Variants in CLDN10 observed in about 807,000 individuals in gnomAD.
The protein encoded by CLDN10 is claudin 10, also known as claudin-10.
Under a neutral mutation model 22.9 loss-of-function variants are expected in CLDN10, and 15 were observed. That is an observed-to-expected ratio of 0.65 (90% confidence interval 0.44 to 1.01). The LOEUF is 1.01. Among genes scored for constraint, CLDN10 ranks in the 50% least tolerant of loss-of-function variants. The probability of loss-of-function intolerance (pLI) is 0.00; values close to 1 mark genes in which losing one functional copy is unlikely to be tolerated. For synonymous variants in CLDN10, 114 were observed against 111.4 expected (o/e 1.02, Z -0.15); for missense variants, 247 against 287.8 (o/e 0.86, Z 1.03).
intron 3 of CLDN10, among the ~76,000 whole-genome samples, chr13:95,565,677 C>G (rs868657584): frequency 4.6e-5 from 7 of 152,066 alleles, no homozygotes; most frequent in African/African-American, 1.7e-4. Context: ...GCCCCACATG[C>G]AGGTTTGTTA....
At chr13:95,498,691 A>G (rs4773910) in intron 1 of CLDN10, among the ~76,000 whole-genome samples, 63,619 of 152,114 alleles carry the variant, frequency 0.42, 14,533 homozygotes, top group Non-Finnish European at 0.5. Context: ...CATCGTGCCC[A>G]GCCTATTCCT....
At chr13:95,552,583 G>T, upstream of CLDN10, 1 of 740,868 alleles carries the variant, frequency 1.3e-6, no homozygotes, top group Non-Finnish European at 2.0e-6. Context: ...AAGGGACAGG[G>T]CATGGGTGTG....
Position 95,578,198 on chromosome 13 carries a change from G to A in CLDN10, c.*184G>A. On this transcript the variant is annotated 3_prime_UTR_variant, in exon 5 of 5. Coordinates refer to ENST00000299339, the MANE Select transcript of CLDN10 (RefSeq NM_006984.5). ...GTTAGTTATATACTAATCATTTTCT[G>A]TTGTGGCTTTCTATAAAAAATAAAC... 2.5e-6 allele frequency: 1 copy of A among 398,340 alleles called. No individual in the cohort carries two copies. The highest frequency in any genetic ancestry group is 4.5e-6 in the Non-Finnish European group (1 of 223,606). The allele number at this position is 398,340 out of a possible 1,614,324, so 24.7% of individuals were successfully genotyped here.
intron 1 of CLDN10, among the ~76,000 whole-genome samples, chr13:95,540,308 A>C (rs957140768): frequency 1.1e-4 from 4 of 35,670 alleles, no homozygotes; most frequent in African/African-American, 6.9e-4. Context: ...TCAAAAATAA[A>C]TAAATAAATA....
intron 1 of CLDN10, among the ~76,000 whole-genome samples, chr13:95,537,247 C>T (rs1468548747): frequency 6.6e-6 from 1 of 152,116 alleles, no homozygotes; most frequent in Non-Finnish European, 1.5e-5. Context: ...ATAGTTCAGA[C>T]TTTGTGTGGG....
At chr13:95,476,973 AAGCAAGACTGGG>A (rs2042691098) in intron 1 of CLDN10, among the ~76,000 whole-genome samples, 1 of 152,116 alleles carries the variant, frequency 6.6e-6, no homozygotes, top group Non-Finnish European at 1.5e-5. Context: ...GCAGGGACCC[AAGCAAGACTGGG>A]AGGAGAGGCG....
intron 1 of CLDN10, among the ~76,000 whole-genome samples, chr13:95,510,286 C>T (rs1174539850): frequency 6.6e-6 from 1 of 152,208 alleles, no homozygotes; most frequent in Non-Finnish European, 1.5e-5. Flanking sequence ...TTGCAATTCT[C>T]CCTCAATCCA....
intron 1 of CLDN10, among the ~76,000 whole-genome samples, chr13:95,474,444 A>T (rs2042665658): frequency 6.6e-6 from 1 of 152,308 alleles, no homozygotes; most frequent in Middle Eastern, 3.4e-3. Context: ...CAGGCCACAG[A>T]CTGGTACCAG....
At chr13:95,461,765 T>A (rs1172416939) in intron 1 of CLDN10, among the ~76,000 whole-genome samples, 3 of 152,196 alleles carry the variant, frequency 2.0e-5, no homozygotes, top group African/African-American at 7.2e-5. Context: ...CCTGTGCACT[T>A]CTGTGAGACA....
At chr13:95,502,156 T>C (rs2042993030) in intron 1 of CLDN10, among the ~76,000 whole-genome samples, 1 of 149,062 alleles carries the variant, frequency 6.7e-6, no homozygotes, top group South Asian at 2.1e-4. Flanking sequence ...GCTTGTTAGA[T>C]TTTAAAGGTG....
chr13:95,450,022 G>A (rs189794775), intron 1 of CLDN10, among the ~76,000 whole-genome samples: 4 of 152,096 alleles, frequency 2.6e-5, no homozygotes, highest in Admixed American at 6.6e-5. Context: ...GATTACAGGC[G>A]TGAGCCACCA....
Position 95,459,849 on chromosome 13 carries a change from T to C in CLDN10, c.214+25802T>C, listed in dbSNP as rs933458029. On this transcript the variant is annotated intron_variant, in intron 1 of 4. Coordinates refer to the CLDN10 transcript ENST00000376873. ...TATTGCATTGTCAGGCTGCAAATTTTCTAAACTTTATGCTCTGCTTCCCAT... is the reference window on the plus strand; with the variant it reads ...TATTGCATTGTCAGGCTGCAAATTTCCTAAACTTTATGCTCTGCTTCCCAT... Among the ~76,000 whole-genome samples the C allele has an allele frequency of 5.9e-5, 9 of 152,214 alleles. No homozygotes were observed. The East Asian group carries it at 1.7e-3, about 29-fold the overall frequency.
chr13:95,438,930 G>A (rs556435726), intron 1 of CLDN10, among the ~76,000 whole-genome samples: 1 of 129,686 alleles, frequency 7.7e-6, no homozygotes, highest in African/African-American at 3.0e-5. Context: ...AGTGAGCCAA[G>A]ATCGAGCTGC....
chr13:95,532,318 T>C (rs1047438445), intron 1 of CLDN10, among the ~76,000 whole-genome samples: 2 of 151,748 alleles, frequency 1.3e-5, no homozygotes, highest in Admixed American at 6.6e-5. Flanking sequence ...AACAACTCAA[T>C]AGAAAAGGAG....
chr13:95,495,572 G>A (rs569413142), intron 1 of CLDN10, among the ~76,000 whole-genome samples: 4 of 150,994 alleles, frequency 2.6e-5, no homozygotes, highest in African/African-American at 4.9e-5. Context: ...GTGAAACCCC[G>A]TCTCTACTAA....
chr13:95,547,769 C>T (rs940070236), upstream of CLDN10, among the ~76,000 whole-genome samples: 2 of 152,210 alleles, frequency 1.3e-5, no homozygotes, highest in Admixed American at 6.5e-5. Context: ...TATCACATTT[C>T]TCCTAAACAG....
chr13:95,435,998 C>A (rs1413261693), intron 1 of CLDN10, among the ~76,000 whole-genome samples: 1 of 151,558 alleles, frequency 6.6e-6, no homozygotes, highest in Non-Finnish European at 1.5e-5. Context: ...TAATATGTTT[C>A]ATTCTGTATT....
chr13:95,482,872 C>T (rs748631534), intron 1 of CLDN10, among the ~76,000 whole-genome samples: 12 of 151,930 alleles, frequency 7.9e-5, no homozygotes, highest in Non-Finnish European at 1.8e-4. Flanking sequence ...CCAGCTACTC[C>T]GGAGGCTAAG....
chr13:95,569,542 C>G (rs2043828366), intron 3 of CLDN10, among the ~76,000 whole-genome samples: 1 of 152,018 alleles, frequency 6.6e-6, no homozygotes. Context: ...TGAGATCGCA[C>G]CACTGCACTC....
Sources: allele counts gnomAD v4.1 joint callset (sites outside exome capture counted in the v4.1 genomes callset), GRCh38; gene constraint gnomAD v4.1.1; transcripts MANE v1.5; gene names NCBI Gene and HGNC (gene_info 2026-07-23, HGNC 2026-07-21).